The following LOXL1 variants were observed in gnomAD, a reference collection of about 807,000 sequenced individuals.
The protein encoded by LOXL1 is lysyl oxidase homolog 1.
Under a neutral mutation model 62.2 loss-of-function variants are expected in LOXL1, and 31 were observed. The observed-to-expected ratio is 0.50, with a 90% CI of 0.37 to 0.67. The LOEUF (loss-of-function observed/expected upper bound fraction) is 0.67. LOXL1 is among the 30% of genes least tolerant of loss of function. The pLI, the probability that LOXL1 is intolerant of heterozygous loss-of-function variation, is 0.00. For missense variants in LOXL1, 775 were observed against 843.4 expected, an observed-to-expected ratio of 0.92 and a Z score of 1.00; for synonymous variants, 403 against 384.4, an observed-to-expected ratio of 1.05 and a Z score of -0.56.
At chr15:73,948,585 G>T (rs1298221394) in intron 5 of LOXL1, among the ~76,000 whole-genome samples, 1 of 152,204 alleles carries the variant, frequency 6.6e-6, no homozygotes, top group Non-Finnish European at 1.5e-5. Flanking sequence ...TAAAGGCAGA[G>T]CAGTGAAGCC....
chr15:73,945,995 G>T lies in LOXL1; in HGVS notation c.1212-422G>T, dbSNP rs892192778. ...ATCCTCCTGCCTCGACCTCCAAAAAGCTCTGTAATTACAGGCATGAGCCAA... is the reference window on the plus strand; with the variant it reads ...ATCCTCCTGCCTCGACCTCCAAAAATCTCTGTAATTACAGGCATGAGCCAA... On this transcript the variant is annotated intron_variant, in intron 2 of 6. Coordinates refer to ENST00000261921, the MANE Select transcript of LOXL1 (RefSeq NM_005576.4). The surrounding 1 kb of genome is among the most constrained non-coding windows in gnomAD (Gnocchi z 4.3). 6.6e-6 allele frequency among the ~76,000 whole-genome samples: 1 copy of T among 152,138 alleles called. No individual in the cohort carries two copies. The highest frequency in any genetic ancestry group is 2.4e-5 in the African/African-American group (1 of 41,420).
intron 4 of LOXL1, 55 bp from the exon 5 acceptor site, chr15:73,947,752 G>C (rs1203924191): frequency 2.4e-6 from 3 of 1,252,008 alleles, no homozygotes; most frequent in East Asian, 2.4e-5. Context: ...GGTGGGCGTG[G>C]GGTGGCTCTG....
Position 73,942,880 on chromosome 15 carries a change from A to C in LOXL1, c.1129A>C (p.Asn377His). 1 of 1,613,892 alleles carries C rather than the reference A, an allele frequency of 6.2e-7. No homozygotes were observed. Among genetic ancestry groups the C allele is most frequent in the Non-Finnish European group, 8.5e-7 (1 of 1,179,850 alleles). The change falls in exon 2 of 7, where the codon AAC becomes CAC. Residue 377 changes from asparagine (N) to histidine (H), a missense_variant. Physicochemically the swap from Asn to His is moderately conservative, Grantham distance 68. Coordinates refer to ENST00000261921, the MANE Select transcript of LOXL1 (RefSeq NM_005576.4). ...TCTCCCTGACTTGGTCCCAGACCCC[A>C]ACTATGTGCAAGCATCCACTTATGT... ...RGLPDLVPDP[N>H]YVQASTYVQR... is the part of the protein sequence containing the mutation.
intron 6 of LOXL1, among the ~76,000 whole-genome samples, chr15:73,950,470 C>A (rs770088541): frequency 6.6e-6 from 1 of 152,132 alleles, no homozygotes; most frequent in Non-Finnish European, 1.5e-5. Flanking sequence ...GGTGTATGGC[C>A]AGGGTCAGGA....
At chr15:73,936,385 G>A (rs1457278365) in intron 1 of LOXL1, among the ~76,000 whole-genome samples, 1 of 152,140 alleles carries the variant, frequency 6.6e-6, no homozygotes, top group Non-Finnish European at 1.5e-5. Flanking sequence ...GCCAGCTCCC[G>A]CCGTGGAGGC....
In LOXL1 at chr15:73,930,476, G is replaced by A. The variant is rs371866744; in HGVS notation, c.1102+2591G>A. On this transcript the variant is annotated intron_variant, in intron 1 of 6. Coordinates refer to ENST00000261921, the MANE Select transcript of LOXL1 (RefSeq NM_005576.4). The surrounding 1 kb of genome is among the most constrained non-coding windows in gnomAD (Gnocchi z 4.7). The stretch of plus-strand genomic sequence containing the variant: ...CCTCCCCACCCTGCTAGGCCAGACC[G>A]TGGAAAATCCCAGCCCAGGGAAGGC... Among the ~76,000 whole-genome samples the A allele has an allele frequency of 8.5e-5, 13 of 152,142 alleles. No individual in the cohort carries two copies. Among genetic ancestry groups the A allele is most frequent in the East Asian group, 1.9e-4 (1 of 5,190 alleles).
Position 73,927,784 on chromosome 15 carries a change from T to C in LOXL1, c.1001T>C (p.Val334Ala). The change falls in exon 1 of 7, where the codon GTG (valine) becomes GCG (alanine). Residue 334 changes from valine to alanine, a missense_variant. Transcript: ENST00000261921. Reference protein sequence around the residue: ...PRALEPPYLPVRSSDTPPPGG... With the variant: ...PRALEPPYLPARSSDTPPPGG... ...GCGCTGGAGCCGCCCTACCTGCCGG[T>C]GCGCAGCTCCGACACGCCCCCGCCG... is the stretch of plus-strand genomic sequence containing the variant. 3 of 1,414,688 alleles carry C rather than the reference T, an allele frequency of 2.1e-6. No homozygotes were observed. Among genetic ancestry groups the C allele is most frequent in the Non-Finnish European group, 2.7e-6 (3 of 1,091,896 alleles). 87.6% of individuals were successfully genotyped at this position (1,414,688 alleles called of 1,614,324 possible). A position where few individuals can be genotyped will look rare whatever the true frequency, so the allele number is the denominator to read the frequency against.
chr15:73,942,913 G>T lies in LOXL1; in HGVS notation c.1162G>T (p.Ala388Ser). Residue 388 changes from alanine to serine, a missense_variant, in exon 2 of 7, where the codon GCC becomes TCC. Transcript: ENST00000261921. ...GCAAGCATCCACTTATGTGCAGAGA[G>T]CCCACCTGTACTCCCTGCGCTGTGC... ...YVQASTYVQR[A>S]HLYSLRCAAE... 6.2e-7 allele frequency: 1 copy of T among 1,614,122 alleles called. No individual in the cohort carries two copies. The highest frequency in any genetic ancestry group is 8.5e-7 in the Non-Finnish European group (1 of 1,179,986).
At chr15:73,932,705 A>G (rs189937782) in intron 1 of LOXL1, among the ~76,000 whole-genome samples, 1 of 152,330 alleles carries the variant, frequency 6.6e-6, no homozygotes, top group Non-Finnish European at 1.5e-5. Flanking sequence ...CCCTGTGACA[A>G]CCCTGGGATT....
chr15:73,949,464 C>G lies in LOXL1; in HGVS notation c.1608C>G (p.His536Gln). ...CTGTTTCTCTTCTTCCTCAGGTGCA[C>G]GTGAACCCAAAGTATATTGTTTTGG... Reference protein sequence around the residue: ...VQPGNYILKVHVNPKYIVLES... With the variant: ...VQPGNYILKVQVNPKYIVLES... Residue 536 changes from histidine (H) to glutamine (Q), a missense_variant, in exon 6 of 7, where the codon CAC becomes CAG. His to Gln is a conservative substitution (Grantham distance 24, BLOSUM62 0). Transcript: ENST00000261921. 1 of 1,607,524 alleles carries G rather than the reference C, an allele frequency of 6.2e-7. No individual in the cohort carries two copies. Among genetic ancestry groups the G allele is most frequent in the Non-Finnish European group, 8.5e-7 (1 of 1,173,956 alleles).
chr15:73,929,687 G>A (rs8034403), intron 1 of LOXL1, among the ~76,000 whole-genome samples: 33,917 of 152,218 alleles, frequency 0.22, 4,555 homozygotes, highest in African/African-American at 0.38. Flanking sequence ...GCAGAAGGGC[G>A]CATTATAGCC....
chr15:73,933,869 C>G (rs1283893287), intron 1 of LOXL1, among the ~76,000 whole-genome samples: 2 of 152,276 alleles, frequency 1.3e-5, no homozygotes, highest in Non-Finnish European at 2.9e-5. Context: ...TGCCCCTCCC[C>G]TGGCCCTGAC....
chr15:73,947,200 TA>T lies in LOXL1; in HGVS notation c.1484del (p.Tyr495LeufsTer10). 1 of 1,611,194 alleles carries T rather than the reference TA, an allele frequency of 6.2e-7. No individual in the cohort carries two copies. ...STCDFGNLKR[Y>X]ACTSHTQGLS... is the part of the protein sequence containing the mutation. ...CTGTGACTTCGGCAACCTCAAGCGCTATGCATGCACCTCTCATACCCAGGTT... is the reference window on the plus strand; with the variant it reads ...CTGTGACTTCGGCAACCTCAAGCGCTTGCATGCACCTCTCATACCCAGGTT... On this transcript the variant is annotated frameshift_variant, in exon 4 of 7. Coordinates refer to ENST00000261921, the MANE Select transcript of LOXL1 (RefSeq NM_005576.4). LOFTEE classifies it high-confidence loss of function.
intron 1 of LOXL1, among the ~76,000 whole-genome samples, chr15:73,932,646 C>T (rs552764086): frequency 1.4e-4 from 22 of 152,298 alleles, no homozygotes; most frequent in African/African-American, 5.3e-4. Flanking sequence ...ATGGTGCATA[C>T]TAAGTGCCGG....
intron 1 of LOXL1, among the ~76,000 whole-genome samples, chr15:73,940,964 G>T (rs1365344887): frequency 6.6e-6 from 1 of 152,214 alleles, no homozygotes; most frequent in Non-Finnish European, 1.5e-5. Context: ...TGGGCCTGGG[G>T]TGGGGGCAGC....
At position 73,927,755 on chromosome 15, in the gene LOXL1, G is replaced by A; in HGVS notation, c.972G>A (p.Pro324=). The part of the protein sequence containing the change: ...ANPPPEAYGP[P]RALEPPYLPV... ...CGCCGCCCGAGGCGTACGGGCCGCC[G>A]CGCGCGCTGGAGCCGCCCTACCTGC... Residue 324 remains proline (P), a synonymous_variant, in exon 1 of 7, where the codon CCG becomes CCA. Transcript: ENST00000261921. 1 of 1,449,486 alleles carries A rather than the reference G, an allele frequency of 6.9e-7. No homozygotes were observed. Among genetic ancestry groups the A allele is most frequent in the African/African-American group, 1.5e-5 (1 of 67,662 alleles). 89.8% of individuals were successfully genotyped at this position (1,449,486 alleles called of 1,614,324 possible).
rs374225668 is a variant in LOXL1, at chr15:73,946,391, C to G, written c.1212-26C>G. The G allele has an allele frequency of 5.8e-5, 89 of 1,536,970 alleles. 1 individual carries two copies. The African/African-American group carries it at 8.0e-4, about 14-fold the overall frequency. On this transcript the variant is annotated intron_variant, in intron 2 of 6. Coordinates refer to ENST00000261921, the MANE Select transcript of LOXL1 (RefSeq NM_005576.4). ...CTGGTGTCACTGTGCCCCAACCCCCCCTCATCTCCCCCGCCGTCCCTGCAG... is the reference window on the plus strand; with the variant it reads ...CTGGTGTCACTGTGCCCCAACCCCCGCTCATCTCCCCCGCCGTCCCTGCAG...
chr15:73,950,293 T>TAA (rs5813735), intron 6 of LOXL1, among the ~76,000 whole-genome samples: 31,229 of 145,920 alleles, frequency 0.21, 3,451 homozygotes, highest in African/African-American at 0.26. Flanking sequence ...CCTTTTCCAT[T>TAA]AAAAAAAAAA....
At chr15:73,944,929 G>A (rs188142702) in intron 2 of LOXL1, among the ~76,000 whole-genome samples, 25 of 152,254 alleles carry the variant, frequency 1.6e-4, no homozygotes, top group Admixed American at 7.2e-4. Context: ...TAATCCCTAC[G>A]ACTGGCCACC....
Sources: allele counts gnomAD v4.1 joint callset (sites outside exome capture counted in the v4.1 genomes callset), GRCh38; gene constraint gnomAD v4.1.1; non-coding constraint Gnocchi (gnomAD v3.1); transcripts MANE v1.5; gene names NCBI Gene and HGNC (gene_info 2026-07-23, HGNC 2026-07-21).